Variants in RAB3C observed in about 807,000 individuals in gnomAD.
The protein encoded by RAB3C is ras-related protein Rab-3C.
Under a neutral mutation model 26.4 loss-of-function variants are expected in RAB3C, and 17 were observed. The observed-to-expected ratio is 0.64, with a 90% confidence interval of 0.44 to 0.97. The LOEUF is 0.97. Ranked by LOEUF, RAB3C falls within the 50% of genes least tolerant of loss-of-function variation. The pLI, the probability that RAB3C is intolerant of heterozygous loss-of-function variation, is 0.00. For synonymous variants in RAB3C, 91 were observed against 95.9 expected (o/e 0.95, Z 0.30); for missense variants, 242 against 281.9 (o/e 0.86, Z 1.01).
At chr5:58,599,626 A>C (rs1450491132) in intron 1 of RAB3C, among the ~76,000 whole-genome samples, 3 of 152,186 alleles carry the variant, frequency 2.0e-5, no homozygotes, top group Non-Finnish European at 2.9e-5. Flanking sequence ...TGAGAGAAGA[A>C]CACTGGCCTT....
intron 2 of RAB3C, among the ~76,000 whole-genome samples, chr5:58,687,611 C>G (rs942538892): frequency 2.0e-5 from 3 of 151,810 alleles, no homozygotes; most frequent in Non-Finnish European, 4.4e-5. Context: ...TAAATTTTGG[C>G]CTATATGAAT....
chr5:58,729,192 A>G (rs1343004542), intron 3 of RAB3C, among the ~76,000 whole-genome samples: 1 of 151,924 alleles, frequency 6.6e-6, no homozygotes, highest in East Asian at 1.9e-4. Flanking sequence ...ATTTTTCCCC[A>G]TTACAGAATA....
At chr5:58,595,799 T>C (rs1369474888) in intron 1 of RAB3C, among the ~76,000 whole-genome samples, 2 of 152,136 alleles carry the variant, frequency 1.3e-5, no homozygotes, top group East Asian at 3.9e-4. Context: ...TCTGGTGTTT[T>C]TTGCTGCCAA....
At chr5:58,771,655 A>C (rs1427775962) in intron 3 of RAB3C, among the ~76,000 whole-genome samples, 1 of 152,142 alleles carries the variant, frequency 6.6e-6, no homozygotes, top group Non-Finnish European at 1.5e-5. Context: ...TTTTTGTAAC[A>C]GTTGCAAGGA....
intron 3 of RAB3C, among the ~76,000 whole-genome samples, chr5:58,763,592 T>A (rs1741839538): frequency 6.6e-6 from 1 of 152,184 alleles, no homozygotes; most frequent in South Asian, 2.1e-4. Context: ...AAAGTTTGCA[T>A]GTTGTCAAAA....
At chr5:58,594,851 C>CT (rs368470766) in intron 1 of RAB3C, among the ~76,000 whole-genome samples, 5,446 of 133,174 alleles carry the variant, frequency 0.041, 180 homozygotes, top group African/African-American at 0.084. Context: ...AACATGTAGG[C>CT]TTTTTTTTTT....
chr5:58,604,331 TG>T (rs1430382844), intron 1 of RAB3C, among the ~76,000 whole-genome samples: 1 of 152,168 alleles, frequency 6.6e-6, no homozygotes, highest in African/African-American at 2.4e-5. Flanking sequence ...GCTGTAGTAG[TG>T]TGGAGAGGGA....
intron 3 of RAB3C, among the ~76,000 whole-genome samples, chr5:58,788,042 G>A (rs1046522713): frequency 1.2e-4 from 18 of 152,208 alleles, no homozygotes; most frequent in Admixed American, 6.5e-5. Context: ...GAGAGGGCAG[G>A]TGCAGTTCTT....
At chr5:58,740,151 G>T (rs1441804208) in intron 3 of RAB3C, among the ~76,000 whole-genome samples, 1 of 152,212 alleles carries the variant, frequency 6.6e-6, no homozygotes, top group African/African-American at 2.4e-5. Flanking sequence ...CCAGGCAGGG[G>T]CCATGTGTGG....
intron 3 of RAB3C, among the ~76,000 whole-genome samples, chr5:58,794,112 T>C (rs777331690): frequency 4.6e-5 from 7 of 152,198 alleles, no homozygotes; most frequent in Non-Finnish European, 7.3e-5. Flanking sequence ...CCTTCTATTC[T>C]TACAGCAGGT....
chr5:58,695,279 C>T (rs1459073735), intron 2 of RAB3C, among the ~76,000 whole-genome samples: 4 of 152,132 alleles, frequency 2.6e-5, no homozygotes, highest in Non-Finnish European at 5.9e-5. Flanking sequence ...TTCCATTGGG[C>T]TATATCTCTG....
chr5:58,646,562 G>T (rs1356226889), intron 2 of RAB3C, among the ~76,000 whole-genome samples: 1 of 152,060 alleles, frequency 6.6e-6, no homozygotes, highest in Non-Finnish European at 1.5e-5. Flanking sequence ...CTGCTGTGGG[G>T]TTAGAGTGAG....
intron 3 of RAB3C, among the ~76,000 whole-genome samples, chr5:58,765,632 T>C (rs747395516): frequency 6.6e-6 from 1 of 152,260 alleles, no homozygotes; most frequent in Middle Eastern, 3.2e-3. Flanking sequence ...AGTTATATCA[T>C]GGAAATGTTT....
chr5:58,584,032 G>C (rs1048821871), intron 1 of RAB3C, among the ~76,000 whole-genome samples: 1 of 152,152 alleles, frequency 6.6e-6, no homozygotes, highest in Non-Finnish European at 1.5e-5. Flanking sequence ...ACCAGTTAAC[G>C]TTAAACATCA....
chr5:58,613,687 G>A (rs572834904), intron 1 of RAB3C, among the ~76,000 whole-genome samples: 4 of 152,188 alleles, frequency 2.6e-5, no homozygotes, highest in African/African-American at 9.6e-5. Context: ...AGTGTGATAA[G>A]ATATAATGGT....
At position 58,857,633 on chromosome 5, in the gene RAB3C, A is replaced by G. The variant is rs1744294945; in HGVS notation, c.*6282A>G. The G allele has an allele frequency of 1.3e-5, 2 of 152,200 alleles. No individual in the cohort carries two copies. The highest frequency in any genetic ancestry group is 4.8e-5 in the African/African-American group (2 of 41,464). 9.4% of individuals were successfully genotyped at this position (152,200 alleles called of 1,614,324 possible). A position where few individuals can be genotyped will look rare whatever the true frequency, so the allele number is the denominator to read the frequency against. On this transcript the variant is annotated 3_prime_UTR_variant, in exon 5 of 5. Transcript: ENST00000282878. ...ATCTTGTATTTTATTTACAAATTCAACACTGTCAACCCTGGGAATTCTAAA... is the reference window on the plus strand; with the variant it reads ...ATCTTGTATTTTATTTACAAATTCAGCACTGTCAACCCTGGGAATTCTAAA...
At chr5:58,599,629 C>T (rs1282463602) in intron 1 of RAB3C, among the ~76,000 whole-genome samples, 1 of 152,126 alleles carries the variant, frequency 6.6e-6, no homozygotes, top group African/African-American at 2.4e-5. Context: ...GAGAAGAACA[C>T]TGGCCTTTGA....
At chr5:58,706,885 A>G (rs776633405) in intron 2 of RAB3C, among the ~76,000 whole-genome samples, 13 of 152,214 alleles carry the variant, frequency 8.5e-5, no homozygotes, top group Non-Finnish European at 1.6e-4. Flanking sequence ...AAGGGTTTTC[A>G]TCCCGTTGCC....
intron 1 of RAB3C, among the ~76,000 whole-genome samples, chr5:58,603,653 G>T (rs1190262157): frequency 6.6e-6 from 1 of 152,094 alleles, no homozygotes; most frequent in Non-Finnish European, 1.5e-5. Flanking sequence ...AAAGCTTCCT[G>T]AATTTTTGAT....
Sources: gnomAD v4.1 joint callset for allele counts (sites outside exome capture counted in the v4.1 genomes callset) on GRCh38, gnomAD v4.1.1 for gene constraint, MANE v1.5 for transcripts, NCBI Gene and HGNC (gene_info 2026-07-23, HGNC 2026-07-21) for gene names.